The following GABRG3 variants were observed in gnomAD, a reference collection of about 807,000 sequenced individuals.
GABRG3 encodes gamma-aminobutyric acid receptor subunit gamma-3.
In GABRG3, 25 loss-of-function variants were observed where a neutral mutation model predicts 48.8. The observed-to-expected ratio is 0.51, with a 90% CI of 0.37 to 0.72. The LOEUF (loss-of-function observed/expected upper bound fraction) is 0.72, where lower values mean the gene tolerates loss of function less well. Among genes scored for constraint, GABRG3 ranks in the 30% least tolerant of loss-of-function variants. GABRG3 has a pLI of 0.00. For synonymous variants in GABRG3, 227 were observed against 217.6 expected (o/e 1.04, Z -0.38); for missense variants, 394 against 577.9 (o/e 0.68, Z 3.26).
intron 3 of GABRG3, among the ~76,000 whole-genome samples, chr15:27,228,366 C>T (rs1200342886): frequency 6.6e-6 from 1 of 152,206 alleles, no homozygotes; most frequent in Non-Finnish European, 1.5e-5. Flanking sequence ...GCCTCCAGCT[C>T]CATGCATGTT....
At chr15:27,522,828 G>A (rs1467253832) in intron 7 of GABRG3, among the ~76,000 whole-genome samples, 1 of 151,710 alleles carries the variant, frequency 6.6e-6, no homozygotes, top group Non-Finnish European at 1.5e-5. Context: ...CTGAGAAGAG[G>A]ATAAATTTTT....
At position 27,009,064 on chromosome 15, in the gene GABRG3, C is replaced by G. The variant is rs371567939; in HGVS notation, c.203-17690C>G. On this transcript the variant is annotated intron_variant, in intron 2 of 9. Coordinates refer to ENST00000615808, the MANE Select transcript of GABRG3 (RefSeq NM_033223.5). The stretch of plus-strand genomic sequence containing the variant: ...TAGGCTCTGACAGTCCTAGGCTGAG[C>G]TCAGACTCTGCTCACGGTGCCGTCT... Among the ~76,000 whole-genome samples the G allele has an allele frequency of 1.4e-4, 21 of 152,284 alleles. No individual in the cohort carries two copies. The South Asian group carries it at 4.4e-3, about 32-fold the overall frequency.
chr15:27,419,672 C>A (rs186182438), intron 5 of GABRG3, among the ~76,000 whole-genome samples: 58 of 152,168 alleles, frequency 3.8e-4, no homozygotes, highest in African/African-American at 1.4e-3. Flanking sequence ...TAAAGATGGC[C>A]CCATTATGAT....
At chr15:27,478,984 G>A (rs2150844112) in intron 5 of GABRG3, among the ~76,000 whole-genome samples, 1 of 152,270 alleles carries the variant, frequency 6.6e-6, no homozygotes, top group South Asian at 2.1e-4. Flanking sequence ...GACTGCCTAG[G>A]ACTAGGTGAG....
At chr15:27,448,414 C>T (rs938033088) in intron 5 of GABRG3, among the ~76,000 whole-genome samples, 1 of 152,172 alleles carries the variant, frequency 6.6e-6, no homozygotes, top group East Asian at 1.9e-4. Context: ...CGTGTAAATG[C>T]AACCCATTTC....
At chr15:27,248,835 GAC>G (rs1478043287) in intron 3 of GABRG3, among the ~76,000 whole-genome samples, 16 of 142,778 alleles carry the variant, frequency 1.1e-4, no homozygotes, top group Admixed American at 9.8e-4. Context: ...GAGAGAGAGA[GAC>G]AGAGAGAAGC....
At position 27,411,436 on chromosome 15, in the gene GABRG3, T is replaced by C. The variant is rs147142207; in HGVS notation, c.575-69214T>C. Among the ~76,000 whole-genome samples, 271 of 152,244 alleles carry C rather than the reference T, an allele frequency of 1.8e-3. 1 individual carries two copies. Among genetic ancestry groups the C allele is most frequent in the Admixed American group, 1.2e-3 (19 of 15,294 alleles). On this transcript the variant is annotated intron_variant, in intron 5 of 9. Coordinates refer to ENST00000615808, the MANE Select transcript of GABRG3 (RefSeq NM_033223.5). ...TCAAGGCTGTCACAGAAATGAGAAA[T>C]GGGGAATGAGAATTGGCCAACTTAA...
At chr15:27,012,537 A>G (rs1319143659) in intron 2 of GABRG3, among the ~76,000 whole-genome samples, 1 of 152,122 alleles carries the variant, frequency 6.6e-6, no homozygotes, top group African/African-American at 2.4e-5. Context: ...TTATATATGT[A>G]TTCTCTTTGT....
intron 3 of GABRG3, chr15:27,294,828 A>G (rs114719668): frequency 6.6e-6 from 1 of 152,220 alleles, no homozygotes; most frequent in African/African-American, 2.4e-5. Context: ...ACCAGTCCCA[A>G]TTTGCCAACC....
At position 27,352,784 on chromosome 15, in the gene GABRG3, G is replaced by A. The variant is rs554004710; in HGVS notation, c.574+23896G>A. On this transcript the variant is annotated intron_variant, in intron 5 of 9. Coordinates refer to ENST00000615808, the MANE Select transcript of GABRG3 (RefSeq NM_033223.5). This position sits in a 1 kb window ranked among gnomAD's most constrained non-coding sequence, Gnocchi z 4.0. Reference sequence around the variant, plus strand: ...ACGCAGATGCATGGGGTGATATAGCGCAAGGTGGAGGGTGCAATATGGGGC... The same window carrying A: ...ACGCAGATGCATGGGGTGATATAGCACAAGGTGGAGGGTGCAATATGGGGC... Among the ~76,000 whole-genome samples, 22 of 152,210 alleles carry A rather than the reference G, an allele frequency of 1.4e-4. No homozygotes were observed. The highest frequency in any genetic ancestry group is 4.6e-4 in the African/African-American group (19 of 41,516).
chr15:27,442,514 C>T (rs1888820420), intron 5 of GABRG3, among the ~76,000 whole-genome samples: 1 of 152,184 alleles, frequency 6.6e-6, no homozygotes, highest in African/African-American at 2.4e-5. Flanking sequence ...GAGGAACCCA[C>T]CAAAGGTGCC....
intron 5 of GABRG3, among the ~76,000 whole-genome samples, chr15:27,446,281 A>G (rs569816905): frequency 7.2e-4 from 110 of 152,348 alleles, no homozygotes; most frequent in African/African-American, 2.6e-3. Context: ...TGAACATAGT[A>G]TACCTTTTCA....
rs368101374 is a variant in GABRG3 at position 27,537,124 on chromosome 15, T to TAAAAAAAAAAAAAAAAA, written c.*4248_*4264dup. ...TAAGAAATTTCATCTGCAATTTCTG[T>TAAAAAAAAAAAAAAAAA]AAAAAAAAAAAAAAAAAAAAAGAAT... On this transcript the variant is annotated 3_prime_UTR_variant, in exon 10 of 10. Transcript: ENST00000615808. The TAAAAAAAAAAAAAAAAA allele has an allele frequency of 8.6e-6, 1 of 115,780 alleles. No individual in the cohort carries two copies. The allele number at this position is 115,780 out of a possible 1,614,324, so 7.2% of individuals were successfully genotyped here.
At chr15:27,047,616 CAGTTT>C (rs1386378840) in intron 3 of GABRG3, among the ~76,000 whole-genome samples, 2 of 152,140 alleles carry the variant, frequency 1.3e-5, no homozygotes, top group African/African-American at 4.8e-5. Context: ...TGGCAATGCA[CAGTTT>C]AAAGTTTTTC....
chr15:27,417,600 T>G (rs1887979513), intron 5 of GABRG3, among the ~76,000 whole-genome samples: 1 of 152,186 alleles, frequency 6.6e-6, no homozygotes, highest in Non-Finnish European at 1.5e-5. Context: ...TGTGTCCGCT[T>G]TCTCTCCTGT....
At chr15:27,337,272 T>G (rs919387207) in intron 5 of GABRG3, among the ~76,000 whole-genome samples, 5 of 152,182 alleles carry the variant, frequency 3.3e-5, no homozygotes, top group African/African-American at 1.2e-4. Flanking sequence ...TGAAATACAA[T>G]GCAAGCCACC....
intron 6 of GABRG3, among the ~76,000 whole-genome samples, chr15:27,487,761 G>A (rs1890254859): frequency 6.6e-6 from 1 of 152,186 alleles, no homozygotes; most frequent in Admixed American, 6.5e-5. Flanking sequence ...CATAAGAGAG[G>A]AGGATGATTT....
intron 3 of GABRG3, among the ~76,000 whole-genome samples, chr15:27,114,355 T>A (rs1897605761): frequency 6.6e-6 from 1 of 152,230 alleles, no homozygotes; most frequent in Admixed American, 6.5e-5. Flanking sequence ...TAATACATCA[T>A]GAGCTCACCA....
intron 2 of GABRG3, among the ~76,000 whole-genome samples, chr15:26,994,126 T>C (rs1595460437): frequency 1.3e-5 from 2 of 152,126 alleles, no homozygotes; most frequent in Admixed American, 1.3e-4. Context: ...AGGCAACAGA[T>C]CAGATCATTG....
Sources: allele counts gnomAD v4.1 joint callset (sites outside exome capture counted in the v4.1 genomes callset), GRCh38; gene constraint gnomAD v4.1.1; non-coding constraint Gnocchi (gnomAD v3.1); transcripts MANE v1.5; gene names NCBI Gene and HGNC (gene_info 2026-07-23, HGNC 2026-07-21).